The following CRIM1 variants were observed in gnomAD, a reference collection of about 807,000 sequenced individuals.
The protein encoded by CRIM1 is cysteine rich transmembrane BMP regulator 1, also known as cysteine-rich motor neuron 1 protein.
Under a neutral mutation model 116.4 loss-of-function variants are expected in CRIM1, and 32 were observed. The observed-to-expected ratio is 0.27, with a 90% CI of 0.21 to 0.37. The LOEUF (loss-of-function observed/expected upper bound fraction) is 0.37. Ranked by LOEUF, CRIM1 falls within the 10% of genes least tolerant of loss-of-function variation. CRIM1 has a pLI of 1.00. For missense variants in CRIM1, 1,331 were observed against 1,354.8 expected, an observed-to-expected ratio of 0.98 and a Z score of 0.28; for synonymous variants, 590 against 509.2, an observed-to-expected ratio of 1.16 and a Z score of -2.13.
At chr2:36,418,875 G>A (rs1673834641) in intron 2 of CRIM1, among the ~76,000 whole-genome samples, 1 of 152,134 alleles carries the variant, frequency 6.6e-6, no homozygotes, top group Non-Finnish European at 1.5e-5. Flanking sequence ...TGCCCTCTCT[G>A]TTAAAATGAG....
chr2:36,430,138 A>G (rs1286045908), intron 2 of CRIM1, among the ~76,000 whole-genome samples: 1 of 152,154 alleles, frequency 6.6e-6, no homozygotes, highest in African/African-American at 2.4e-5. Context: ...AATTGCTGGT[A>G]TTTTGAAATA....
chr2:36,459,023 A>G (rs1677372965), intron 4 of CRIM1, among the ~76,000 whole-genome samples: 1 of 152,188 alleles, frequency 6.6e-6, no homozygotes, highest in Non-Finnish European at 1.5e-5. Flanking sequence ...AAGTGATCTA[A>G]AACAAGTACT....
At chr2:36,484,527 A>C (rs1042867600) in intron 7 of CRIM1, among the ~76,000 whole-genome samples, 3 of 152,192 alleles carry the variant, frequency 2.0e-5, no homozygotes, top group African/African-American at 7.2e-5. Flanking sequence ...AGAAAAATTC[A>C]AGAGATGTGG....
At chr2:36,370,589 C>T (rs974919182) in intron 1 of CRIM1, among the ~76,000 whole-genome samples, 6 of 152,034 alleles carry the variant, frequency 3.9e-5, no homozygotes, top group African/African-American at 7.2e-5. Context: ...ATAATTACAG[C>T]TATGTTTGGC....
intron 4 of CRIM1, among the ~76,000 whole-genome samples, chr2:36,456,742 G>A (rs912977681): frequency 1.3e-5 from 2 of 151,964 alleles, no homozygotes; most frequent in African/African-American, 2.4e-5. Flanking sequence ...CGGGCCCTGC[G>A]ATTACTTTCA....
At chr2:36,464,766 G>A in intron 5 of CRIM1, 111 bp downstream of exon 5, 4 of 1,336,214 alleles carry the variant, frequency 3.0e-6, no homozygotes, top group Non-Finnish European at 4.2e-6. Context: ...TACCTTCAGG[G>A]GCTTGCTGAA....
intron 7 of CRIM1, among the ~76,000 whole-genome samples, chr2:36,490,434 A>T (rs1680145722): frequency 6.6e-6 from 1 of 152,176 alleles, no homozygotes; most frequent in African/African-American, 2.4e-5. Flanking sequence ...CAAATCCATG[A>T]CCTTGGCATT....
chr2:36,446,920 T>C lies in CRIM1; in HGVS notation c.869+4185T>C, dbSNP rs528779504. 2.0e-5 allele frequency among the ~76,000 whole-genome samples: 3 copies of C among 152,354 alleles called. No individual in the cohort carries two copies. The East Asian group carries it at 5.8e-4, about 29-fold the overall frequency. Reference sequence around the variant, plus strand: ...TGCATGTGTGTGCATGTACAGATGCTGCTGTGCATAAGAGAATTTACAACA... The same window carrying C: ...TGCATGTGTGTGCATGTACAGATGCCGCTGTGCATAAGAGAATTTACAACA... On this transcript the variant is annotated intron_variant, in intron 4 of 16. Coordinates refer to ENST00000280527, the MANE Select transcript of CRIM1 (RefSeq NM_016441.3).
chr2:36,425,357 G>A (rs1674371869), intron 2 of CRIM1, among the ~76,000 whole-genome samples: 1 of 152,192 alleles, frequency 6.6e-6, no homozygotes, highest in African/African-American at 2.4e-5. Flanking sequence ...ATCAACTGCT[G>A]AGCAGAATTT....
Position 36,550,041 on chromosome 2 carries a change from A to ATGTGTGTGTGTGTGTGTGTGTG in CRIM1, c.*1345_*1366dup, listed in dbSNP as rs71396495. 1 of 146,366 alleles carries ATGTGTGTGTGTGTGTGTGTGTG rather than the reference A, an allele frequency of 6.8e-6. No individual in the cohort carries two copies. Among genetic ancestry groups the ATGTGTGTGTGTGTGTGTGTGTG allele is most frequent in the African/African-American group, 2.5e-5 (1 of 39,330 alleles). 9.1% of individuals were successfully genotyped at this position (146,366 alleles called of 1,614,324 possible). On this transcript the variant is annotated 3_prime_UTR_variant, in exon 17 of 17. Transcript: ENST00000280527. ...GAAAGATGTGTGTGTGAGAGTATGT[A>ATGTGTGTGTGTGTGTGTGTGTG]TGTGTGTGTGTGTGTGTGTGTGTGT...
chr2:36,400,872 A>C (rs1286153577), intron 2 of CRIM1, among the ~76,000 whole-genome samples: 3 of 152,162 alleles, frequency 2.0e-5, no homozygotes, highest in Admixed American at 6.5e-5. Context: ...TGGCGAATTT[A>C]GACTTGCTCT....
chr2:36,480,631 C>T (rs1254065634), intron 7 of CRIM1, among the ~76,000 whole-genome samples: 1 of 152,176 alleles, frequency 6.6e-6, no homozygotes, highest in Non-Finnish European at 1.5e-5. Flanking sequence ...TGTTAATAAA[C>T]TCAGACTCCA....
chr2:36,434,417 CTCT>C (rs1465355068), intron 2 of CRIM1, among the ~76,000 whole-genome samples: 1 of 152,232 alleles, frequency 6.6e-6, no homozygotes, highest in Admixed American at 6.5e-5. Flanking sequence ...AAAGTTGAAG[CTCT>C]TCTTGCTTTT....
chr2:36,409,533 T>A (rs1271344655), intron 2 of CRIM1, among the ~76,000 whole-genome samples: 1 of 152,114 alleles, frequency 6.6e-6, no homozygotes, highest in Admixed American at 6.5e-5. Flanking sequence ...GCATTTGAGA[T>A]GAATATGGAA....
At chr2:36,383,323 T>C (rs984433642) in intron 1 of CRIM1, among the ~76,000 whole-genome samples, 1 of 152,260 alleles carries the variant, frequency 6.6e-6, no homozygotes, top group Non-Finnish European at 1.5e-5. Flanking sequence ...TTTTAAAATA[T>C]CTGAAAGTTA....
intron 12 of CRIM1, among the ~76,000 whole-genome samples, chr2:36,521,583 C>T (rs1665394675): frequency 1.3e-5 from 2 of 152,176 alleles, no homozygotes; most frequent in African/African-American, 4.8e-5. Context: ...AGGGGTGTCA[C>T]AGCCGTGATC....
intron 2 of CRIM1, among the ~76,000 whole-genome samples, chr2:36,431,379 T>C (rs999613448): frequency 1.3e-5 from 2 of 152,226 alleles, no homozygotes; most frequent in Non-Finnish European, 2.9e-5. Flanking sequence ...CTGTACACTC[T>C]ATTCAGCACC....
intron 2 of CRIM1, among the ~76,000 whole-genome samples, chr2:36,428,741 C>G (rs540979567): frequency 6.6e-6 from 1 of 152,310 alleles, no homozygotes; most frequent in South Asian, 2.1e-4. Flanking sequence ...TCAAGTGATT[C>G]AGAATGCTTT....
chr2:36,389,408 T>A (rs1156393002), intron 1 of CRIM1, among the ~76,000 whole-genome samples: 4 of 152,230 alleles, frequency 2.6e-5, no homozygotes, highest in Non-Finnish European at 1.5e-5. Flanking sequence ...GATGCCAGTA[T>A]TAGCTATTTG....
Sources: allele counts gnomAD v4.1 joint callset (sites outside exome capture counted in the v4.1 genomes callset), GRCh38; gene constraint gnomAD v4.1.1; transcripts MANE v1.5; gene names NCBI Gene and HGNC (gene_info 2026-07-23, HGNC 2026-07-21).